Variants in VPS26A observed in about 807,000 individuals in gnomAD.
VPS26A encodes the protein vacuolar protein sorting-associated protein 26A.
In VPS26A, 22 loss-of-function variants were observed where a neutral mutation model predicts 42.4. That is an observed-to-expected ratio of 0.52 (90% CI 0.37 to 0.74). The LOEUF is 0.74. Among genes scored for constraint, VPS26A ranks in the 30% least tolerant of loss-of-function variants. VPS26A has a pLI of 0.00. For missense variants in VPS26A, 276 were observed against 379.2 expected (o/e 0.73, Z 2.26); for synonymous variants, 110 against 123.5 (o/e 0.89, Z 0.73).
intron 2 of VPS26A, among the ~76,000 whole-genome samples, chr10:69,135,096 A>G (rs1385146974): frequency 1.3e-5 from 2 of 152,208 alleles, no homozygotes; most frequent in African/African-American, 4.8e-5. Context: ...CTTTCTAGGG[A>G]GAGACTGAAC....
At chr10:69,159,647 G>A (rs1841508938) in intron 5 of VPS26A, among the ~76,000 whole-genome samples, 1 of 151,972 alleles carries the variant, frequency 6.6e-6, no homozygotes, top group African/African-American at 2.4e-5. Flanking sequence ...CTTGTTTTCT[G>A]TGTCTATTCA....
intron 1 of VPS26A, among the ~76,000 whole-genome samples, chr10:69,128,201 AT>A (rs1840702633): frequency 6.7e-6 from 1 of 149,860 alleles, no homozygotes; most frequent in African/African-American, 2.5e-5. Context: ...TTTTAGTTCT[AT>A]CAAAATTTTA....
intron 2 of VPS26A, among the ~76,000 whole-genome samples, chr10:69,141,003 C>CT (rs1401037604): frequency 6.6e-6 from 1 of 152,136 alleles, no homozygotes; most frequent in African/African-American, 2.4e-5. Flanking sequence ...AATACTTTAT[C>CT]TTTTTCTGTG....
At chr10:69,140,632 G>A (rs551955829) in intron 2 of VPS26A, among the ~76,000 whole-genome samples, 19 of 152,168 alleles carry the variant, frequency 1.2e-4, no homozygotes, top group African/African-American at 4.3e-4. Context: ...CGATCCACCT[G>A]TCTCAGCCTC....
At chr10:69,138,648 A>G (rs1840973160) in intron 2 of VPS26A, among the ~76,000 whole-genome samples, 1 of 152,194 alleles carries the variant, frequency 6.6e-6, no homozygotes, top group South Asian at 2.1e-4. Flanking sequence ...TAGATTTAAT[A>G]AATTTATTTT....
intron 1 of VPS26A, among the ~76,000 whole-genome samples, chr10:69,127,242 G>T (rs184680212): frequency 6.5e-4 from 98 of 150,710 alleles, no homozygotes; most frequent in African/African-American, 2.3e-3. Flanking sequence ...CACTGTGCCT[G>T]GCTGACTAGT....
At chr10:69,158,818 C>A (rs532716159) in intron 5 of VPS26A, among the ~76,000 whole-genome samples, 1 of 152,074 alleles carries the variant, frequency 6.6e-6, no homozygotes, top group Non-Finnish European at 1.5e-5. Context: ...CTCTCATACT[C>A]CCCATAGGTT....
At chr10:69,146,566 G>A (rs1470820571) in intron 2 of VPS26A, among the ~76,000 whole-genome samples, 1 of 152,078 alleles carries the variant, frequency 6.6e-6, no homozygotes, top group Non-Finnish European at 1.5e-5. Flanking sequence ...TACCCATTAA[G>A]CGGTAACTCC....
chr10:69,158,474 T>G (rs903416788), intron 5 of VPS26A, among the ~76,000 whole-genome samples: 1 of 152,144 alleles, frequency 6.6e-6, no homozygotes, highest in African/African-American at 2.4e-5. Context: ...CCAGTCCTTC[T>G]GAGGATACAA....
At chr10:69,149,409 AGAT>A (rs1350241447) in intron 2 of VPS26A, among the ~76,000 whole-genome samples, 2 of 152,238 alleles carry the variant, frequency 1.3e-5, no homozygotes, top group Non-Finnish European at 2.9e-5. Flanking sequence ...GGGTCAAGAA[AGAT>A]GATGATTGAG....
At chr10:69,159,382 A>G (rs575427203) in intron 5 of VPS26A, among the ~76,000 whole-genome samples, 15 of 151,052 alleles carry the variant, frequency 9.9e-5, no homozygotes, top group Non-Finnish European at 2.2e-4. Context: ...CTCCATCTCA[A>G]AAAAAAAAAC....
At chr10:69,154,739 C>A (rs1434861162) in intron 2 of VPS26A, among the ~76,000 whole-genome samples, 1 of 151,996 alleles carries the variant, frequency 6.6e-6, no homozygotes, top group African/African-American at 2.4e-5. Context: ...AGTTATGCAT[C>A]CCTATAGTCC....
Position 69,174,079 on chromosome 10 carries a change from G to A in VPS26A, c.*2810G>A, listed in dbSNP as rs1372330086. ...AAAGCTGGCCACCCCCCAGCCAGCA[G>A]CGGCAACCGGCTCGGGTCCCCCTCC... is the stretch of plus-strand genomic sequence containing the variant. On this transcript the variant is annotated 3_prime_UTR_variant, in exon 9 of 9. Transcript: ENST00000263559. Among the ~76,000 whole-genome samples the A allele has an allele frequency of 6.6e-6, 1 of 152,254 alleles. No homozygotes were observed. Among genetic ancestry groups the A allele is most frequent in the African/African-American group, 2.4e-5 (1 of 41,470 alleles).
intron 2 of VPS26A, among the ~76,000 whole-genome samples, chr10:69,137,962 C>A (rs1840956215): frequency 6.6e-6 from 1 of 151,648 alleles, no homozygotes; most frequent in South Asian, 2.1e-4. Flanking sequence ...ACCACTAATT[C>A]CAGAACATTT....
rs1840715972 is a variant in VPS26A, at chr10:69,128,929, A to G, written c.4-3969A>G. Among the ~76,000 whole-genome samples the G allele has an allele frequency of 1.4e-5, 2 of 142,400 alleles. 1 individual carries two copies. Among genetic ancestry groups the G allele is most frequent in the South Asian group, 4.5e-4 (2 of 4,450 alleles). 93.4% of individuals were successfully genotyped at this position (142,400 alleles called of 152,430 possible). ...GGAGGCTTGCTTGAGCCCATGAGGC[A>G]GAAGTTGCAGTCAGCTGAGATCATA... On this transcript the variant is annotated intron_variant, in intron 1 of 8. Transcript: ENST00000263559.
At chr10:69,124,499 C>G (rs1840606219) in intron 1 of VPS26A, among the ~76,000 whole-genome samples, 1 of 152,204 alleles carries the variant, frequency 6.6e-6, no homozygotes, top group African/African-American at 2.4e-5. Context: ...CGGCGGCGTG[C>G]TCTCCTGGCC....
rs147481306 is a variant in VPS26A at position 69,151,283 on chromosome 10, AC to A, written c.154-4528del. On this transcript the variant is annotated intron_variant, in intron 2 of 8. Transcript: ENST00000263559. ...CCATGTCAAAAAAAAAAAAAAAAAA[AC>A]ACACACACACACACAATTAGCCGGG... 1.3e-3 allele frequency among the ~76,000 whole-genome samples: 153 copies of A among 122,130 alleles called. 2 individuals are homozygous for A. The East Asian group carries it at 0.024, about 19-fold the overall frequency. The allele number at this position is 122,130 out of a possible 152,430, so 80.1% of individuals were successfully genotyped here. A position where few individuals can be genotyped will look rare whatever the true frequency, so the allele number is the denominator to read the frequency against.
At chr10:69,151,284 C>CAAAACAAAAAAAAA (rs1162179375) in intron 2 of VPS26A, among the ~76,000 whole-genome samples, 127 of 111,866 alleles carry the variant, frequency 1.1e-3, no homozygotes, top group African/African-American at 5.2e-3. Context: ...AAAAAAAAAA[C>CAAAACAAAAAAAAA]ACACACACAC....
At chr10:69,163,617 A>C (rs975284425) in intron 6 of VPS26A, among the ~76,000 whole-genome samples, 2 of 152,092 alleles carry the variant, frequency 1.3e-5, no homozygotes, top group Non-Finnish European at 2.9e-5. Flanking sequence ...TTTCTTATGG[A>C]TTCTTTTTCC....
Sources: gnomAD v4.1 joint callset for allele counts (sites outside exome capture counted in the v4.1 genomes callset) on GRCh38, gnomAD v4.1.1 for gene constraint, MANE v1.5 for transcripts, NCBI Gene and HGNC (gene_info 2026-07-23, HGNC 2026-07-21) for gene names.